Variants in HCFC1 observed in about 807,000 individuals in gnomAD.
HCFC1 encodes host cell factor 1.
A neutral mutation model predicts 105.5 loss-of-function variants in HCFC1; 7 were observed. The ratio of observed to expected loss-of-function variants is 0.07; its 90% CI spans 0.04 to 0.12. The LOEUF (loss-of-function observed/expected upper bound fraction) is 0.12, where lower values mean the gene tolerates loss of function less well. Among genes scored for constraint, HCFC1 ranks in the 10% least tolerant of loss-of-function variants. The pLI, the probability that HCFC1 is intolerant of heterozygous loss-of-function variation, is 1.00. For missense variants in HCFC1, 1,065 were observed against 1,823.6 expected (o/e 0.58, Z 7.58); for synonymous variants, 918 against 828.1 (o/e 1.11, Z -1.86).
At chrX:153,951,325 G>T in intron 22 of HCFC1, 25 bp downstream of exon 22, 1 of 1,208,420 alleles carries the variant, frequency 8.3e-7, no homozygotes, top group Admixed American at 2.2e-5. Context: ...CCCACCTGAG[G>T]ACATCAGCAC....
In HCFC1 at chrX:153,970,514, G is replaced by A. The variant is rs1380661388; in HGVS notation, c.193+134C>T. ...GGGAGGAGGGGAGAGAGAGAGGGAA[G>A]GGTAGAGGGTGAGGGAGGAGATGGA... On this transcript the variant is annotated intron_variant, in intron 1 of 25. Transcript: ENST00000310441. 3 of 431,134 alleles carry A rather than the reference G, an allele frequency of 7.0e-6. No individual in the cohort carries two copies. In the Admixed American group the frequency reaches 1.5e-4, roughly 22 times the overall value. 35.5% of individuals were successfully genotyped at this position (431,134 alleles called of 1,213,427 possible). A position where few individuals can be genotyped will look rare whatever the true frequency, so the allele number is the denominator to read the frequency against.
Position 153,960,129 on chromosome X carries a change from C to T in HCFC1, c.1117G>A (p.Val373Ile), listed in dbSNP as rs1557116369. ...TCCAGGGAGTTGGTGTTGGCGCGTA[C>T]CAGTTGTACTCGGGCTGGGGGTGGT... ...KPPPPARVQL[V>I]RANTNSLEVS... The change falls in exon 8 of 26, where the codon GTA becomes ATA. Residue 373 changes from valine to isoleucine, a missense_variant. Physicochemically the swap from Val to Ile is conservative, Grantham distance 29 (BLOSUM62 3). Around this residue, in one of 17 missense-constraint regions of HCFC1, gnomAD observed 101 missense variants for 155.1 expected, o/e 0.65. Coordinates refer to ENST00000310441, the MANE Select transcript of HCFC1 (RefSeq NM_005334.3). 8.3e-7 allele frequency: 1 copy of T among 1,210,649 alleles called. No individual in the cohort carries two copies. Among genetic ancestry groups the T allele is most frequent in the East Asian group, 3.0e-5 (1 of 33,826 alleles).
chrX:153,964,198 G>A lies in HCFC1; in HGVS notation c.429C>T (p.Ser143=), dbSNP rs374518400. Residue 143 remains serine, a synonymous_variant, in exon 3 of 26, where the codon TCC becomes TCT. Transcript: ENST00000310441. ...PPCPRLGHSF[S]LVGNKCYLFG... ...ACAGGTAGCATTTGTTGCCCACAAG[G>A]GAGAAGCTGTGCCCGAGTCGAGGAC... The A allele has an allele frequency of 4.1e-6, 5 of 1,206,758 alleles. No homozygotes were observed. In the African/African-American group the frequency reaches 8.8e-5, roughly 21 times the overall value.
intron 1 of HCFC1, among the ~76,000 whole-genome samples, chrX:153,965,731 G>C (rs1367839010): frequency 1.8e-5 from 2 of 113,149 alleles, no homozygotes; most frequent in Admixed American, 1.8e-4. Flanking sequence ...AGGGCATGGG[G>C]GGATTCCTGT....
intron 1 of HCFC1, chrX:153,969,668 G>A (rs2065506328): frequency 8.9e-6 from 1 of 112,964 alleles, no homozygotes; most frequent in Non-Finnish European, 1.9e-5. Flanking sequence ...TAGAGACTAA[G>A]CAAGGCTACT....
At chrX:153,964,317 G>A in intron 2 of HCFC1, 33 bp from the exon 3 acceptor site, 1 of 1,131,980 alleles carries the variant, frequency 8.8e-7, no homozygotes, top group Non-Finnish European at 1.2e-6. Flanking sequence ...CTGAACCGTG[G>A]GATGAGAAGG....
intron 12 of HCFC1, 118 bp from the exon 13 acceptor site, chrX:153,957,651 G>C (rs1453474542): frequency 1.3e-6 from 1 of 770,379 alleles, no homozygotes; most frequent in Admixed American, 2.6e-5. Context: ...CTGTGGGCGA[G>C]GGGAGTGAGC....
chrX:153,959,625 A>G, intron 8 of HCFC1, 134 bp from the exon 9 acceptor site: 1 of 946,784 alleles, frequency 1.1e-6, no homozygotes, highest in Non-Finnish European at 1.5e-6. Flanking sequence ...CCTGAGAGTG[A>G]CCATTTCCAC....
chrX:153,952,204 A>G, intron 19 of HCFC1, 46 bp from the exon 20 acceptor site: 1 of 1,082,644 alleles, frequency 9.2e-7, no homozygotes, highest in Non-Finnish European at 1.2e-6. Context: ...AAGGCTGGCC[A>G]GAAGCGGGCA....
At chrX:153,963,466 G>A (rs199531819) in intron 3 of HCFC1, 33 bp from the exon 4 acceptor site, 1,182 of 1,049,699 alleles carry the variant, frequency 1.1e-3, no homozygotes, top group Non-Finnish European at 1.5e-3. Context: ...GGCAAGTCTC[G>A]ACTCCTCACG....
chrX:153,966,764 G>A (rs924348029), intron 1 of HCFC1, among the ~76,000 whole-genome samples: 5 of 112,455 alleles, frequency 4.4e-5, no homozygotes, highest in Non-Finnish European at 9.4e-5. Context: ...GCCTTCCCTA[G>A]GGTCCCATGT....
In HCFC1 at chrX:153,957,068, GGA is replaced by G; in HGVS notation, c.2354-10_2354-9del. Reference sequence around the variant, plus strand: ...CAGGACTGCTGGTCACACCTGGATGGGAGAGTGGGGCCCAGGGGAGACAGGCT... The same window carrying G: ...CAGGACTGCTGGTCACACCTGGATGGGAGTGGGGCCCAGGGGAGACAGGCT... On this transcript the variant is annotated splice_polypyrimidine_tract_variant and intron_variant, in intron 13 of 25. Transcript: ENST00000310441. 1 of 1,205,037 alleles carries G rather than the reference GGA, an allele frequency of 8.3e-7. No individual in the cohort carries two copies. Among genetic ancestry groups the G allele is most frequent in the Non-Finnish European group, 1.1e-6 (1 of 892,327 alleles).
Position 153,955,132 on chromosome X carries a change from G to A in HCFC1, c.3267C>T (p.Asn1089=). ...TGTTGGAGGTGGCGGTGGTGGCGGT[G>A]TTGGTGGTGCCCGTCTCGTGGGTCT... ...PCETHETGTT[N]TATTATSNMA... Residue 1089 remains asparagine (N), a synonymous_variant, in exon 17 of 26, where the codon AAC becomes AAT. Transcript: ENST00000310441. 8.3e-7 allele frequency: 1 copy of A among 1,211,555 alleles called. No homozygotes were observed. Among genetic ancestry groups the A allele is most frequent in the Non-Finnish European group, 1.1e-6 (1 of 895,318 alleles).
In HCFC1 at chrX:153,959,837, C is replaced by T; in HGVS notation, c.1409G>A (p.Ser470Asn). 1 of 1,179,609 alleles carries T rather than the reference C, an allele frequency of 8.5e-7. No homozygotes were observed. The highest frequency in any genetic ancestry group is 1.1e-6 in the Non-Finnish European group (1 of 877,443). ...GGCTGCGGTGGGCACAGAAATGGAG[C>T]TGCCAGGCACCGTTGGCAAGACCTG... Reference protein sequence around the residue: ...TIQVLPTVPGSSISVPTAART... With the variant: ...TIQVLPTVPGNSISVPTAART... Residue 470 changes from serine to asparagine, a missense_variant, in exon 8 of 26, where the codon AGC becomes AAC. Coordinates refer to ENST00000310441, the MANE Select transcript of HCFC1 (RefSeq NM_005334.3).
chrX:153,959,204 C>A, intron 9 of HCFC1, 127 bp downstream of exon 9: 2 of 723,311 alleles, frequency 2.8e-6, no homozygotes, highest in Admixed American at 6.8e-5. Flanking sequence ...ATCTGCACGT[C>A]CCAGGAGGGA....
chrX:153,954,137 G>C lies in HCFC1; in HGVS notation c.4262C>G (p.Pro1421Arg). The C allele has an allele frequency of 8.3e-7, 1 of 1,210,050 alleles. No individual in the cohort carries two copies. The highest frequency in any genetic ancestry group is 1.1e-6 in the Non-Finnish European group (1 of 894,459). ...GGTGCCCGTCTCGTGGGTCTCACAG[G>C]GGGGGTTGGAGCACACCCTCTGTGT... ...FPTQRVCSNPPCETHETGTTH... is the reference protein window; with the variant it reads ...FPTQRVCSNPRCETHETGTTH... The change falls in exon 17 of 26, where the codon CCC becomes CGC. Residue 1421 changes from proline to arginine, a missense_variant. Pro to Arg is a moderately radical substitution (Grantham distance 103). This residue lies in a region of HCFC1 where 546 missense variants were observed against 599.9 expected (regional missense o/e 0.91). Transcript: ENST00000310441.
Position 153,959,886 on chromosome X carries a change from CG to C in HCFC1, c.1359del (p.Ala454HisfsTer36). Reference sequence around the variant, plus strand: ...TGGATGGTGGTGGTGGTCGGGGGTGCGGGGGCAGCCTGGGGCAGGAGCGTGA... The same window carrying C: ...TGGATGGTGGTGGTGGTCGGGGGTGCGGGGCAGCCTGGGGCAGGAGCGTGA... ...VGITLLPQAA[P>X]APPTTTTIQV... On this transcript the variant is annotated frameshift_variant, in exon 8 of 26. Coordinates refer to ENST00000310441, the MANE Select transcript of HCFC1 (RefSeq NM_005334.3). LOFTEE classifies it high-confidence loss of function. 1.7e-6 allele frequency: 2 copies of C among 1,198,773 alleles called. No individual in the cohort carries two copies. The highest frequency in any genetic ancestry group is 1.1e-6 in the Non-Finnish European group (1 of 887,219).
intron 1 of HCFC1, among the ~76,000 whole-genome samples, chrX:153,967,958 G>A (rs2065488208): frequency 9.0e-6 from 1 of 111,433 alleles, no homozygotes; most frequent in African/African-American, 3.3e-5. Context: ...TGGCAGAACG[G>A]CCTCTATGAA....
Position 153,964,114 on chromosome X carries a change from C to T in HCFC1, c.503+10G>A, listed in dbSNP as rs1196499770. The T allele has an allele frequency of 1.7e-6, 2 of 1,191,304 alleles. No homozygotes were observed. The highest frequency in any genetic ancestry group is 2.3e-6 in the Non-Finnish European group (2 of 882,649). ...CCCGGGGGGTTCCAGAGAAAAGGAC[C>T]AAGCCTCACCTTGGAATGTTGTTCT... On this transcript the variant is annotated intron_variant, in intron 3 of 25. Coordinates refer to ENST00000310441, the MANE Select transcript of HCFC1 (RefSeq NM_005334.3).
Sources: allele counts gnomAD v4.1 joint callset (sites outside exome capture counted in the v4.1 genomes callset), GRCh38; gene constraint gnomAD v4.1.1; regional missense constraint gnomAD v4.1.1; transcripts MANE v1.5; gene names NCBI Gene and HGNC (gene_info 2026-07-23, HGNC 2026-07-21).